Variants in TBCD observed in about 807,000 individuals in gnomAD.
The protein encoded by TBCD is tubulin-specific chaperone D.
TBCD carries 105 observed loss-of-function variants against 169.3 expected under a neutral mutation model. The ratio of observed to expected loss-of-function variants is 0.62; its 90% CI spans 0.53 to 0.73. TBCD has a LOEUF of 0.73. Ranked by LOEUF, TBCD falls within the 30% of genes least tolerant of loss-of-function variation. The probability of loss-of-function intolerance (pLI) is 0.00; values close to 1 mark genes in which losing one functional copy is unlikely to be tolerated. For synonymous variants in TBCD, 700 were observed against 643.9 expected, an observed-to-expected ratio of 1.09 and a Z score of -1.32; for missense variants, 1,444 against 1,600.1, an observed-to-expected ratio of 0.90 and a Z score of 1.66.
At chr17:82,859,373 G>A (rs373345409) in intron 13 of TBCD, among the ~76,000 whole-genome samples, 1 of 145,702 alleles carries the variant, frequency 6.9e-6, no homozygotes, top group Non-Finnish European at 1.5e-5. Flanking sequence ...TCAGGGAAAG[G>A]GAGTCTTGTG....
At position 82,945,237 on chromosome 17, in the gene TBCD, A is replaced by T. The variant is rs894956981; in HGVS notation, c.*2774A>T. On this transcript the variant is annotated 3_prime_UTR_variant, in exon 39 of 39. Transcript: ENST00000355528. The stretch of plus-strand genomic sequence containing the variant: ...AATTAGAAAACTGGAAGATCTGAAA[A>T]CATTATCCAGAGAACTGGAAGATAT... 3.3e-5 allele frequency: 5 copies of T among 152,272 alleles called. No individual in the cohort carries two copies. Among genetic ancestry groups the T allele is most frequent in the Non-Finnish European group, 7.3e-5 (5 of 68,052 alleles). 9.4% of individuals were successfully genotyped at this position (152,272 alleles called of 1,614,324 possible).
Position 82,944,378 on chromosome 17 carries a change from G to GTGA in TBCD, c.*1917_*1919dup, listed in dbSNP as rs897760913. 1 of 152,234 alleles carries GTGA rather than the reference G, an allele frequency of 6.6e-6. No homozygotes were observed. Among genetic ancestry groups the GTGA allele is most frequent in the Non-Finnish European group, 1.5e-5 (1 of 68,062 alleles). 9.4% of individuals were successfully genotyped at this position (152,234 alleles called of 1,614,324 possible). A position where few individuals can be genotyped will look rare whatever the true frequency, so the allele number is the denominator to read the frequency against. On this transcript the variant is annotated 3_prime_UTR_variant, in exon 39 of 39. Coordinates refer to ENST00000355528, the MANE Select transcript of TBCD (RefSeq NM_005993.5). Reference sequence around the variant, plus strand: ...GTTTCTGGAGCCCACCAGGGTCCAGGTGATAGAGTTTGGCAAGGAACCCCT... The same window carrying GTGA: ...GTTTCTGGAGCCCACCAGGGTCCAGGTGATGATAGAGTTTGGCAAGGAACCCCT...
Position 82,920,973 on chromosome 17 carries a change from C to G in TBCD, c.2101+355C>G, listed in dbSNP as rs1201025184. 9.7e-6 allele frequency: 3 copies of G among 310,320 alleles called. No homozygotes were observed. The East Asian group carries it at 2.5e-4, about 26-fold the overall frequency. 19.2% of individuals were successfully genotyped at this position (310,320 alleles called of 1,614,324 possible). ...AGGAGCGTGCCGGCCGCCGACACCA[C>G]GGACCCTGTGGGCAGAGGCGGCTCC... On this transcript the variant is annotated intron_variant, in intron 24 of 38. Coordinates refer to ENST00000355528, the MANE Select transcript of TBCD (RefSeq NM_005993.5). The surrounding 1 kb of genome is among the most constrained non-coding windows in gnomAD (Gnocchi z 4.1).
intron 6 of TBCD, among the ~76,000 whole-genome samples, chr17:82,776,162 T>C (rs144948723): frequency 6.6e-6 from 1 of 152,092 alleles, no homozygotes; most frequent in African/African-American, 2.4e-5. Flanking sequence ...GAGGTTGCAG[T>C]GAGCAGAGAT....
In TBCD at chr17:82,929,172, G is replaced by T. The variant is rs760545140; in HGVS notation, c.2753G>T (p.Arg918Leu). 10 of 1,613,464 alleles carry T rather than the reference G, an allele frequency of 6.2e-6. No individual in the cohort carries two copies. Among genetic ancestry groups the T allele is most frequent in the Non-Finnish European group, 8.5e-6 (10 of 1,179,880 alleles). ...QQASEKIDRF[R>L]AHAASVFLTL... ...GCCAGTGAGAAGATTGACCGTTTCC[G>T]TGCTCACGCCGCCAGCGTGTTCCTG... Residue 918 changes from arginine to leucine, a missense_variant, in exon 31 of 39, where the codon CGT becomes CTT. Transcript: ENST00000355528.
chr17:82,843,043 G>A (rs1188605299), intron 13 of TBCD, among the ~76,000 whole-genome samples: 1 of 152,092 alleles, frequency 6.6e-6, no homozygotes, highest in Non-Finnish European at 1.5e-5. Context: ...GCCTCCCAAA[G>A]TGCTAGGATT....
intron 13 of TBCD, among the ~76,000 whole-genome samples, chr17:82,827,347 G>C (rs1453290551): frequency 6.6e-6 from 1 of 152,168 alleles, no homozygotes; most frequent in Admixed American, 6.5e-5. Flanking sequence ...CAGTGTGTTG[G>C]GTGAGAGGCT....
At chr17:82,932,757 C>G in intron 34 of TBCD, 22 bp downstream of exon 34, 1 of 1,612,368 alleles carries the variant, frequency 6.2e-7, no homozygotes, top group South Asian at 1.1e-5. Flanking sequence ...CTTTTCATGA[C>G]TTCCTTTCCG....
chr17:82,766,165 G>A, intron 3 of TBCD, 102 bp from the exon 4 acceptor site: 1 of 867,850 alleles, frequency 1.2e-6, no homozygotes, highest in South Asian at 1.6e-5. Flanking sequence ...TCTTTGATCA[G>A]TGGGTCGCGT....
In TBCD at chr17:82,923,720, T is replaced by A. The variant is rs749237672; in HGVS notation, c.2247T>A (p.Asp749Glu). The A allele has an allele frequency of 3.8e-6, 6 of 1,599,010 alleles. No homozygotes were observed. Among genetic ancestry groups the A allele is most frequent in the Non-Finnish European group, 5.1e-6 (6 of 1,173,082 alleles). The change falls in exon 26 of 39, where the codon GAT (aspartate) becomes GAA (glutamate). Residue 749 changes from aspartate to glutamate, a missense_variant. Physicochemically the swap from Asp to Glu is conservative, Grantham distance 45 (BLOSUM62 2). Coordinates refer to ENST00000355528, the MANE Select transcript of TBCD (RefSeq NM_005993.5). The surrounding 1 kb of genome is among the most constrained non-coding windows in gnomAD (Gnocchi z 4.6). ...EYYMKEPGEADPAIQEELITQ... is the reference protein window; with the variant it reads ...EYYMKEPGEAEPAIQEELITQ... ...ACATGAAGGAGCCGGGGGAGGCAGA[T>A]CCCGCAATTCAGGGTGAGTGGGGAG...
rs553811479 is a variant in TBCD, at chr17:82,777,881, C to T, written c.639-3708C>T. On this transcript the variant is annotated intron_variant, in intron 6 of 38. Coordinates refer to ENST00000355528, the MANE Select transcript of TBCD (RefSeq NM_005993.5). ...CTCTCTTTCCCGGTCCGCTAAGTAGCGGGTGTTTTTCCTTGACACTAACGC... is the reference window on the plus strand; with the variant it reads ...CTCTCTTTCCCGGTCCGCTAAGTAGTGGGTGTTTTTCCTTGACACTAACGC... Among the ~76,000 whole-genome samples, 531 of 152,204 alleles carry T rather than the reference C, an allele frequency of 3.5e-3. 4 individuals carry two copies. Among genetic ancestry groups the T allele is most frequent in the African/African-American group, 0.011 (449 of 41,518 alleles).
At chr17:82,886,409 G>A (rs1360353779) in intron 15 of TBCD, 1 of 151,864 alleles carries the variant, frequency 6.6e-6, no homozygotes, top group African/African-American at 2.4e-5. Flanking sequence ...GTCTCCCGGC[G>A]GGGAAGGAAT....
chr17:82,879,518 A>G (rs2058210394), intron 14 of TBCD, among the ~76,000 whole-genome samples: 1 of 152,170 alleles, frequency 6.6e-6, no homozygotes, highest in Non-Finnish European at 1.5e-5. Context: ...TTGCCAGGCC[A>G]TCGCTCGGGT....
rs574381133 is a variant in TBCD, at chr17:82,926,528, T to C, written c.2471+37T>C. 3 of 1,578,902 alleles carry C rather than the reference T, an allele frequency of 1.9e-6. No homozygotes were observed. The Admixed American group carries it at 5.0e-5, about 27-fold the overall frequency. On this transcript the variant is annotated intron_variant, in intron 28 of 38. Transcript: ENST00000355528. ...CAGTTCCTCCCTAAAGTCGTAAGTC[T>C]CTGAAAGGCCAGCAGATGAACGCTA...
chr17:82,905,874 C>T (rs1370089552), intron 19 of TBCD, 62 bp from the exon 20 acceptor site: 1 of 1,369,542 alleles, frequency 7.3e-7, no homozygotes, highest in African/African-American at 1.4e-5. Flanking sequence ...TGCGTGTGGG[C>T]TTCCCACAGG....
intron 13 of TBCD, chr17:82,830,448 G>C (rs770366255): frequency 1.9e-6 from 3 of 1,612,316 alleles, no homozygotes; most frequent in South Asian, 1.1e-5. Context: ...TGTCCACCGC[G>C]CATGCGTCTG....
chr17:82,753,446 C>G (rs12602143), intron 1 of TBCD, among the ~76,000 whole-genome samples: 6,662 of 51,766 alleles, frequency 0.13, 266 homozygotes, highest in East Asian at 0.3. Flanking sequence ...ATGGCTTCTT[C>G]CTTTTTTTTT....
At chr17:82,761,249 C>T (rs2047738906) in intron 2 of TBCD, among the ~76,000 whole-genome samples, 1 of 152,308 alleles carries the variant, frequency 6.6e-6, no homozygotes, top group South Asian at 2.1e-4. Context: ...CAGGCGTGAG[C>T]CACCGTGCCC....
chr17:82,777,624 T>A (rs1463989315), intron 6 of TBCD, among the ~76,000 whole-genome samples: 1 of 152,234 alleles, frequency 6.6e-6, no homozygotes, highest in African/African-American at 2.4e-5. Flanking sequence ...GCTTACATTA[T>A]TATTTCTGCT....
Sources: allele counts gnomAD v4.1 joint callset (sites outside exome capture counted in the v4.1 genomes callset), GRCh38; gene constraint gnomAD v4.1.1; non-coding constraint Gnocchi (gnomAD v3.1); transcripts MANE v1.5; gene names NCBI Gene and HGNC (gene_info 2026-07-23, HGNC 2026-07-21).